Variants in CELSR1 observed in about 807,000 individuals in gnomAD.
The protein encoded by CELSR1 is adhesion G protein-coupled receptor C1.
CELSR1 carries 110 observed loss-of-function variants against 249.1 expected under a neutral mutation model. The ratio of observed to expected loss-of-function variants is 0.44; its 90% CI spans 0.38 to 0.52. The LOEUF is 0.52. CELSR1 is among the 20% of genes least tolerant of loss of function. The pLI is 0.00. For synonymous variants in CELSR1, 2,113 were observed against 1,900.0 expected (o/e 1.11, Z -2.92); for missense variants, 4,109 against 4,296.4 (o/e 0.96, Z 1.22).
chr22:46,418,718 C>T (rs747532412), intron 5 of CELSR1, among the ~76,000 whole-genome samples: 5 of 152,298 alleles, frequency 3.3e-5, no homozygotes, highest in African/African-American at 1.2e-4. Context: ...ATGCACGGTG[C>T]TATTAGGCTT....
rs576512903 is a variant in CELSR1 at position 46,363,187 on chromosome 22, CCTGATGGTTCAAATTGAAGTTTCATTA to C, written c.*9_*35del. The C allele has an allele frequency of 0.012, 18,730 of 1,612,906 alleles. 1,832 individuals are homozygous for C. In the African/African-American group the frequency reaches 0.21, roughly 18 times the overall value. On this transcript the variant is annotated 3_prime_UTR_variant, in exon 35 of 35. Transcript: ENST00000674500. The surrounding 1 kb of genome is among the most constrained non-coding windows in gnomAD (Gnocchi z 4.3). ...GGGTGACGGGCTTGCCTCACGGTTT[CCTGATGGTTCAAATTGAAGTTTCATTA>C]CTGATGGTTCAAATTGAAGTTTCAT...
At position 46,440,490 on chromosome 22, in the gene CELSR1, C is replaced by T. The variant is rs892810146; in HGVS notation, c.4184-1079G>A. On this transcript the variant is annotated intron_variant, in intron 2 of 34. Transcript: ENST00000674500. This position sits in a 1 kb window ranked among gnomAD's most constrained non-coding sequence, Gnocchi z 4.7. Reference sequence around the variant, plus strand: ...CTGGGATTACAGGCGTGAGCCACCGCGCCCGGCCAGTATGATCAATCTTTA... The same window carrying T: ...CTGGGATTACAGGCGTGAGCCACCGTGCCCGGCCAGTATGATCAATCTTTA... Among the ~76,000 whole-genome samples, 10 of 152,238 alleles carry T rather than the reference C, an allele frequency of 6.6e-5. No individual in the cohort carries two copies. The highest frequency in any genetic ancestry group is 1.0e-4 in the Non-Finnish European group (7 of 68,050).
At chr22:46,377,669 GAACA>G in intron 23 of CELSR1, 1 of 247,618 alleles carries the variant, frequency 4.0e-6, no homozygotes, top group Non-Finnish European at 8.0e-6. Flanking sequence ...GCCCACATAT[GAACA>G]AACTCCACTA....
chr22:46,407,122 G>A lies in CELSR1; in HGVS notation c.5226+1874C>T, dbSNP rs1389169922. ...TGTGCGCTGAAGGGAGGTCAGGAGG[G>A]AGCCCCAGGCTCACTCTGGTTGGAG... is the stretch of plus-strand genomic sequence containing the variant. On this transcript the variant is annotated intron_variant, in intron 9 of 34. Coordinates refer to ENST00000674500, the MANE Select transcript of CELSR1 (RefSeq NM_001378328.1). This position sits in a 1 kb window ranked among gnomAD's most constrained non-coding sequence, Gnocchi z 4.8. Among the ~76,000 whole-genome samples the A allele has an allele frequency of 6.6e-6, 1 of 152,186 alleles. No individual in the cohort carries two copies. Among genetic ancestry groups the A allele is most frequent in the African/African-American group, 2.4e-5 (1 of 41,420 alleles).
Position 46,373,052 on chromosome 22 carries a change from C to G in CELSR1, c.7590G>C (p.Leu2530=). The part of the protein sequence containing the change: ...IGINQTENPF[L]CTVVAILLHY... ...GGAGGAGGATGGCAACCACTGTGCA[C>G]AGAAACTGCGCAGGGAGGGGCCGCT... Residue 2530 remains leucine, a synonymous_variant, in exon 25 of 35, where the codon CTG becomes CTC. Transcript: ENST00000674500. The G allele has an allele frequency of 6.2e-7, 1 of 1,603,766 alleles. No homozygotes were observed. The highest frequency in any genetic ancestry group is 1.7e-5 in the Admixed American group (1 of 59,064).
At chr22:46,378,484 AGCAGGTTTGAGGACGG>A in intron 23 of CELSR1, 91 bp downstream of exon 23, 2 of 1,272,024 alleles carry the variant, frequency 1.6e-6, no homozygotes, top group Admixed American at 2.1e-5. Flanking sequence ...GGGCAGGCTC[AGCAGGTTTGAGGACGG>A]GCAGGTTTGG....
chr22:46,465,408 G>A (rs998048912), intron 1 of CELSR1, among the ~76,000 whole-genome samples: 3 of 152,170 alleles, frequency 2.0e-5, no homozygotes, highest in Non-Finnish European at 4.4e-5. Context: ...AGAGTCCTGG[G>A]CCTCAGTAAC....
intron 23 of CELSR1, 63 bp from the exon 24 acceptor site, chr22:46,377,324 G>T: frequency 6.7e-7 from 1 of 1,503,042 alleles, no homozygotes; most frequent in Non-Finnish European, 9.2e-7. Flanking sequence ...TCTGGTCATT[G>T]CATAACAGAG....
At chr22:46,449,837 C>G (rs2079861919) in intron 2 of CELSR1, among the ~76,000 whole-genome samples, 1 of 152,186 alleles carries the variant, frequency 6.6e-6, no homozygotes, top group African/African-American at 2.4e-5. Context: ...AGGGTGGGCA[C>G]AGCTAAGGCT....
intron 1 of CELSR1, among the ~76,000 whole-genome samples, chr22:46,496,585 T>C (rs2080416208): frequency 6.6e-6 from 1 of 151,878 alleles, no homozygotes; most frequent in Non-Finnish European, 1.5e-5. Flanking sequence ...ATATATATTT[T>C]TTCTTTCTTT....
At chr22:46,499,667 CTGTCCCT>C (rs2080447413) in intron 1 of CELSR1, among the ~76,000 whole-genome samples, 1 of 152,200 alleles carries the variant, frequency 6.6e-6, no homozygotes, top group African/African-American at 2.4e-5. Context: ...ACACCCCCAT[CTGTCCCT>C]ACCACAGGAG....
rs551500534 is a variant in CELSR1, at chr22:46,518,697, G to A, written c.3544+14930C>T. 6.6e-6 allele frequency among the ~76,000 whole-genome samples: 1 copy of A among 152,308 alleles called. No homozygotes were observed. The highest frequency in any genetic ancestry group is 2.1e-4 in the South Asian group (1 of 4,820). On this transcript the variant is annotated intron_variant, in intron 1 of 34. Coordinates refer to ENST00000674500, the MANE Select transcript of CELSR1 (RefSeq NM_001378328.1). The surrounding 1 kb of genome is among the most constrained non-coding windows in gnomAD (Gnocchi z 5.2). ...CGGTCTCTGCCTCCATCTTCACGTT[G>A]TGGCCTCCTCATTGTGTGTCTGTCT...
intron 1 of CELSR1, among the ~76,000 whole-genome samples, chr22:46,489,993 A>C (rs1230134585): frequency 6.6e-6 from 1 of 152,046 alleles, no homozygotes; most frequent in African/African-American, 2.4e-5. Context: ...GGTTAGTGGG[A>C]AAGCGTCCTC....
In CELSR1 at chr22:46,440,846, C is replaced by T. The variant is rs897046111; in HGVS notation, c.4184-1435G>A. ...TTTTTTTCTTCATGGCTCTGGTCAT[C>T]TTGGGTTGTTAAAAGACTGCCACAG... On this transcript the variant is annotated intron_variant, in intron 2 of 34. Coordinates refer to ENST00000674500, the MANE Select transcript of CELSR1 (RefSeq NM_001378328.1). The surrounding 1 kb of genome is among the most constrained non-coding windows in gnomAD (Gnocchi z 4.7). Among the ~76,000 whole-genome samples, 18 of 151,998 alleles carry T rather than the reference C, an allele frequency of 1.2e-4. No individual in the cohort carries two copies. The highest frequency in any genetic ancestry group is 2.2e-4 in the Non-Finnish European group (15 of 68,002).
At chr22:46,414,484 T>C (rs1187302457) in intron 5 of CELSR1, among the ~76,000 whole-genome samples, 5 of 132,692 alleles carry the variant, frequency 3.8e-5, no homozygotes, top group Non-Finnish European at 6.1e-5. Context: ...AGTGAGGCTC[T>C]GGTTTAAAAT....
chr22:46,384,067 T>G (rs181635961), intron 20 of CELSR1, among the ~76,000 whole-genome samples: 1 of 152,098 alleles, frequency 6.6e-6, no homozygotes, highest in African/African-American at 2.4e-5. Context: ...CCTGAGTAGC[T>G]GGGATTACAG....
chr22:46,486,034 T>C (rs988888905), intron 1 of CELSR1, among the ~76,000 whole-genome samples: 5 of 148,702 alleles, frequency 3.4e-5, no homozygotes, highest in Non-Finnish European at 7.4e-5. Context: ...ACCTCCCAGG[T>C]TCACGCCATT....
At position 46,367,508 on chromosome 22, in the gene CELSR1, G is replaced by A. The variant is rs146315587; in HGVS notation, c.8079+221C>T. On this transcript the variant is annotated intron_variant, in intron 28 of 34. Transcript: ENST00000674500. ...CTGGAGACACAAGTGGACTTGTGCT[G>A]GCCTGGCACTAGGGTCATCGTCCCC... Among the ~76,000 whole-genome samples the A allele has an allele frequency of 1.5e-3, 223 of 152,342 alleles. 1 individual carries two copies. The highest frequency in any genetic ancestry group is 5.0e-3 in the African/African-American group (207 of 41,582).
At position 46,454,301 on chromosome 22, in the gene CELSR1, C is replaced by T. The variant is rs914587533; in HGVS notation, c.4183+9406G>A. Reference sequence around the variant, plus strand: ...GAACAGTAAGAATGAATCCGTGCTGCGTTAAGCCCCTCGTGTGTGGAAATG... The same window carrying T: ...GAACAGTAAGAATGAATCCGTGCTGTGTTAAGCCCCTCGTGTGTGGAAATG... On this transcript the variant is annotated intron_variant, in intron 2 of 34. Coordinates refer to ENST00000674500, the MANE Select transcript of CELSR1 (RefSeq NM_001378328.1). This position sits in a 1 kb window ranked among gnomAD's most constrained non-coding sequence, Gnocchi z 5.1. 6.6e-6 allele frequency among the ~76,000 whole-genome samples: 1 copy of T among 152,184 alleles called. No individual in the cohort carries two copies. Among genetic ancestry groups the T allele is most frequent in the African/African-American group, 2.4e-5 (1 of 41,456 alleles).
Sources: allele counts gnomAD v4.1 joint callset (sites outside exome capture counted in the v4.1 genomes callset), GRCh38; gene constraint gnomAD v4.1.1; non-coding constraint Gnocchi (gnomAD v3.1); transcripts MANE v1.5; gene names NCBI Gene and HGNC (gene_info 2026-07-23, HGNC 2026-07-21).